The following ZNF804B variants were observed in gnomAD, a reference collection of about 807,000 sequenced individuals.
ZNF804B encodes zinc finger 804B.
A neutral mutation model predicts 101.4 loss-of-function variants in ZNF804B; 80 were observed. That is an observed-to-expected ratio of 0.79 (90% CI 0.66 to 0.95). The LOEUF (loss-of-function observed/expected upper bound fraction) is 0.95, where lower values mean the gene tolerates loss of function less well. Among genes scored for constraint, ZNF804B ranks in the 40% least tolerant of loss-of-function variants. The probability of loss-of-function intolerance (pLI) is 0.00; values close to 1 mark genes in which losing one functional copy is unlikely to be tolerated. For synonymous variants in ZNF804B, 622 were observed against 558.8 expected (o/e 1.11, Z -1.59); for missense variants, 1,673 against 1,561.9 (o/e 1.07, Z -1.20).
At chr7:89,211,552 G>A (rs557776278) in intron 1 of ZNF804B, among the ~76,000 whole-genome samples, 1 of 152,220 alleles carries the variant, frequency 6.6e-6, no homozygotes, top group African/African-American at 2.4e-5. Flanking sequence ...TAAGGTGAAA[G>A]GAAGGGGTCC....
At chr7:88,830,400 A>T (rs1017829139) in intron 1 of ZNF804B, among the ~76,000 whole-genome samples, 2 of 151,958 alleles carry the variant, frequency 1.3e-5, no homozygotes, top group African/African-American at 2.4e-5. Context: ...TCACTTTAAA[A>T]CTCACCACAT....
At chr7:89,215,654 C>T (rs1228878582) in intron 1 of ZNF804B, among the ~76,000 whole-genome samples, 2 of 151,736 alleles carry the variant, frequency 1.3e-5, no homozygotes, top group African/African-American at 2.4e-5. Context: ...GAAGCCGAGG[C>T]GGGCGCATCA....
intron 1 of ZNF804B, among the ~76,000 whole-genome samples, chr7:88,827,648 C>T (rs1312356739): frequency 6.6e-6 from 1 of 151,974 alleles, no homozygotes; most frequent in Non-Finnish European, 1.5e-5. Flanking sequence ...TAACCTCAAA[C>T]TGAATTTGGC....
intron 1 of ZNF804B, among the ~76,000 whole-genome samples, chr7:88,960,781 T>C (rs1456095452): frequency 1.3e-5 from 2 of 151,370 alleles, no homozygotes; most frequent in Non-Finnish European, 3.0e-5. Flanking sequence ...TTACATGATA[T>C]AATTAGTGTG....
intron 1 of ZNF804B, among the ~76,000 whole-genome samples, chr7:88,993,586 A>G (rs1408886641): frequency 6.6e-6 from 1 of 152,016 alleles, no homozygotes; most frequent in Non-Finnish European, 1.5e-5. Context: ...TCTTCCAATT[A>G]CTTTCTACAA....
chr7:89,290,495 G>T (rs1260433818), intron 2 of ZNF804B, among the ~76,000 whole-genome samples: 1 of 152,096 alleles, frequency 6.6e-6, no homozygotes, highest in Non-Finnish European at 1.5e-5. Context: ...TTCACTGAAA[G>T]GTGGGTCCCA....
intron 1 of ZNF804B, among the ~76,000 whole-genome samples, chr7:89,073,497 A>C (rs866207234): frequency 2.6e-5 from 4 of 152,154 alleles, no homozygotes; most frequent in Non-Finnish European, 4.4e-5. Flanking sequence ...TAATTATCTG[A>C]TCATCCCATT....
chr7:88,921,185 G>A (rs1792713367), intron 1 of ZNF804B, among the ~76,000 whole-genome samples: 1 of 152,028 alleles, frequency 6.6e-6, no homozygotes, highest in African/African-American at 2.4e-5. Context: ...CTTGAGACTG[G>A]TAGATGGATA....
At chr7:89,003,791 A>G (rs983040669) in intron 1 of ZNF804B, among the ~76,000 whole-genome samples, 3 of 151,906 alleles carry the variant, frequency 2.0e-5, no homozygotes, top group African/African-American at 7.2e-5. Flanking sequence ...CGACTTATAA[A>G]TAGTGTTCTC....
At position 89,087,998 on chromosome 7, in the gene ZNF804B, A is replaced by G. The variant is rs556558110; in HGVS notation, c.109-130157A>G. On this transcript the variant is annotated intron_variant, in intron 1 of 3. Transcript: ENST00000333190. ...CACATATATGTATATAAATATATAT[A>G]TATATTAATTTATTTCGTTTCCACC... 1.9e-4 allele frequency among the ~76,000 whole-genome samples: 29 copies of G among 150,350 alleles called. 1 individual carries two copies. Among genetic ancestry groups the G allele is most frequent in the Non-Finnish European group, 3.6e-4 (24 of 67,560 alleles).
chr7:89,004,280 T>C (rs1160596193), intron 1 of ZNF804B, among the ~76,000 whole-genome samples: 1 of 151,882 alleles, frequency 6.6e-6, no homozygotes, highest in Admixed American at 6.6e-5. Flanking sequence ...GATTTTTTTT[T>C]TGTTTCCCAT....
At chr7:89,038,869 T>C (rs1189491796) in intron 1 of ZNF804B, among the ~76,000 whole-genome samples, 2 of 152,144 alleles carry the variant, frequency 1.3e-5, no homozygotes, top group African/African-American at 4.8e-5. Flanking sequence ...TTAATTCTTC[T>C]GGAAGTGGAT....
chr7:88,810,668 TA>T (rs56788857), intron 1 of ZNF804B, among the ~76,000 whole-genome samples: 184 of 145,682 alleles, frequency 1.3e-3, no homozygotes, highest in Non-Finnish European at 1.2e-3. Context: ...GTCTCACATT[TA>T]AAAAAAAAAA....
chr7:88,759,739 G>C lies in ZNF804B; in HGVS notation c.-238G>C, dbSNP rs923962466. On this transcript the variant is annotated 5_prime_UTR_variant, in exon 1 of 4. Coordinates refer to ENST00000333190, the MANE Select transcript of ZNF804B (RefSeq NM_181646.5). ...AGCAGCATGTGGACTGGCTCGCCGG[G>C]TCCCCTCCGTGCTCTGTGCTGTCGC... The C allele has an allele frequency of 5.5e-6, 3 of 548,378 alleles. No individual in the cohort carries two copies. Among genetic ancestry groups the C allele is most frequent in the African/African-American group, 3.8e-5 (2 of 52,720 alleles). The allele number at this position is 548,378 out of a possible 1,614,324, so 34.0% of individuals were successfully genotyped here. A position where few individuals can be genotyped will look rare whatever the true frequency, so the allele number is the denominator to read the frequency against.
intron 2 of ZNF804B, among the ~76,000 whole-genome samples, chr7:89,282,449 A>G (rs1790115243): frequency 6.6e-6 from 1 of 152,274 alleles, no homozygotes; most frequent in Admixed American, 6.5e-5. Context: ...TAACAAAACA[A>G]CAACAGCAAA....
chr7:89,152,158 T>G (rs1466595085), intron 1 of ZNF804B, among the ~76,000 whole-genome samples: 1 of 152,136 alleles, frequency 6.6e-6, no homozygotes, highest in African/African-American at 2.4e-5. Flanking sequence ...GCTTAGAATT[T>G]TTCCATCTAT....
chr7:88,799,411 C>G (rs1790544326), intron 1 of ZNF804B, among the ~76,000 whole-genome samples: 1 of 152,052 alleles, frequency 6.6e-6, no homozygotes, highest in African/African-American at 2.4e-5. Flanking sequence ...AATCTTCTCT[C>G]AGCAGCCTCC....
intron 1 of ZNF804B, among the ~76,000 whole-genome samples, chr7:89,187,108 TAG>T (rs1278859496): frequency 2.0e-5 from 3 of 152,214 alleles, no homozygotes; most frequent in African/African-American, 7.2e-5. Context: ...TTGATTTTTT[TAG>T]AGATTGGCTT....
intron 1 of ZNF804B, among the ~76,000 whole-genome samples, chr7:88,895,252 T>C (rs968442317): frequency 2.6e-5 from 4 of 152,182 alleles, no homozygotes; most frequent in Non-Finnish European, 4.4e-5. Flanking sequence ...TACTTGTACA[T>C]GGAAGTGGAA....
Sources: gnomAD v4.1 joint callset for allele counts (sites outside exome capture counted in the v4.1 genomes callset) on GRCh38, gnomAD v4.1.1 for gene constraint, MANE v1.5 for transcripts, NCBI Gene and HGNC (gene_info 2026-07-23, HGNC 2026-07-21) for gene names.